Variants in ALKBH1 observed in about 807,000 individuals in gnomAD.
The protein encoded by ALKBH1 is nucleic acid dioxygenase ALKBH1.
ALKBH1 carries 31 observed loss-of-function variants against 36.6 expected under a neutral mutation model. The observed-to-expected ratio is 0.85, with a 90% confidence interval of 0.64 to 1.14. The LOEUF (loss-of-function observed/expected upper bound fraction) is 1.14. Ranked by LOEUF, ALKBH1 falls within the 50% of genes most tolerant of loss-of-function variation. ALKBH1 has a pLI of 0.00. For missense variants in ALKBH1, 490 were observed against 497.3 expected, an observed-to-expected ratio of 0.99 and a Z score of 0.14; for synonymous variants, 183 against 186.6, an observed-to-expected ratio of 0.98 and a Z score of 0.16.
chr14:77,680,504 A>C (rs767790636), intron 3 of ALKBH1, among the ~76,000 whole-genome samples: 8 of 152,074 alleles, frequency 5.3e-5, no homozygotes, highest in Non-Finnish European at 1.0e-4. Flanking sequence ...GACTTCTTTA[A>C]CTCTGTATAA....
At chr14:77,702,897 G>A (rs2080367200) in intron 2 of ALKBH1, among the ~76,000 whole-genome samples, 1 of 152,110 alleles carries the variant, frequency 6.6e-6, no homozygotes, top group South Asian at 2.1e-4. Flanking sequence ...TCTCACGCCT[G>A]TAATCCTAGC....
At chr14:77,679,592 G>A (rs1372382017) in intron 4 of ALKBH1, among the ~76,000 whole-genome samples, 13 of 152,052 alleles carry the variant, frequency 8.5e-5, no homozygotes, top group African/African-American at 9.7e-5. Context: ...CACCAGGCCC[G>A]GCAAACTTTT....
chr14:77,674,295 T>G lies in ALKBH1; in HGVS notation c.741-54A>C, dbSNP rs1057183943. ...AATAAAAAAGTATAAATTTTGTTTATTAACTATGACTGGGAAAGTTACTGC... is the reference window on the plus strand; with the variant it reads ...AATAAAAAAGTATAAATTTTGTTTAGTAACTATGACTGGGAAAGTTACTGC... On this transcript the variant is annotated intron_variant, in intron 5 of 5. Transcript: ENST00000216489. 4 of 1,461,380 alleles carry G rather than the reference T, an allele frequency of 2.7e-6. No homozygotes were observed. In the African/African-American group the frequency reaches 4.3e-5, roughly 16 times the overall value. The allele number at this position is 1,461,380 out of a possible 1,614,324, so 90.5% of individuals were successfully genotyped here. A position where few individuals can be genotyped will look rare whatever the true frequency, so the allele number is the denominator to read the frequency against.
intron 3 of ALKBH1, among the ~76,000 whole-genome samples, chr14:77,687,202 C>G (rs1171735725): frequency 1.3e-5 from 2 of 152,174 alleles, no homozygotes; most frequent in African/African-American, 4.8e-5. Context: ...TCCCCCACAC[C>G]ACTAAACTTC....
chr14:77,692,645 G>T (rs979123674), intron 3 of ALKBH1, among the ~76,000 whole-genome samples: 1 of 151,842 alleles, frequency 6.6e-6, no homozygotes, highest in Non-Finnish European at 1.5e-5. Context: ...TTTACCATCT[G>T]GCCCAAATCC....
Position 77,673,228 on chromosome 14 carries a change from A to G in ALKBH1, c.*584T>C, listed in dbSNP as rs2080185944. ...TACCTATATTTATCTTTTAGGCAAG[A>G]GAGATAGTTGTGATTAATTTCTTTT... On this transcript the variant is annotated 3_prime_UTR_variant, in exon 6 of 6. Transcript: ENST00000216489. 6.6e-6 allele frequency: 1 copy of G among 152,488 alleles called. No individual in the cohort carries two copies. Among genetic ancestry groups the G allele is most frequent in the Non-Finnish European group, 1.5e-5 (1 of 68,284 alleles). The allele number at this position is 152,488 out of a possible 1,614,324, so 9.4% of individuals were successfully genotyped here.
At chr14:77,684,064 G>T (rs939975247) in intron 3 of ALKBH1, 5 of 152,292 alleles carry the variant, frequency 3.3e-5, no homozygotes, top group African/African-American at 9.6e-5. Flanking sequence ...AGCCTTTACA[G>T]AACCTGTCTT....
At chr14:77,690,583 G>A (rs952501399) in intron 3 of ALKBH1, among the ~76,000 whole-genome samples, 7 of 152,190 alleles carry the variant, frequency 4.6e-5, no homozygotes, top group African/African-American at 9.7e-5. Flanking sequence ...AGTTGTGATG[G>A]AGATGGTGAG....
chr14:77,704,735 G>A (rs1454286809), intron 1 of ALKBH1, among the ~76,000 whole-genome samples: 1 of 152,116 alleles, frequency 6.6e-6, no homozygotes, highest in Admixed American at 6.5e-5. Context: ...ACTGTGCCTG[G>A]CCAAAGCAAG....
At chr14:77,688,046 G>T (rs187056337) in intron 3 of ALKBH1, among the ~76,000 whole-genome samples, 1 of 152,144 alleles carries the variant, frequency 6.6e-6, no homozygotes, top group East Asian at 1.9e-4. Context: ...CTACACTAAG[G>T]ATAGTCTCTG....
chr14:77,685,982 G>C (rs370024864), intron 3 of ALKBH1, among the ~76,000 whole-genome samples: 1 of 152,116 alleles, frequency 6.6e-6, no homozygotes, highest in African/African-American at 2.4e-5. Context: ...AAGTGCATTA[G>C]ACCCTCATTT....
chr14:77,693,206 C>CAAA (rs59132199), intron 3 of ALKBH1, among the ~76,000 whole-genome samples: 13 of 126,754 alleles, frequency 1.0e-4, no homozygotes, highest in African/African-American at 2.7e-4. Context: ...AACTCCGTCT[C>CAAA]AAAAAAAAAA....
intron 3 of ALKBH1, among the ~76,000 whole-genome samples, chr14:77,688,934 CCA>C (rs1375913833): frequency 2.0e-5 from 3 of 149,328 alleles, no homozygotes; most frequent in African/African-American, 5.0e-5. Flanking sequence ...TCCTCCACTA[CCA>C]GAGTTATTTT....
chr14:77,694,841 A>G lies in ALKBH1; in HGVS notation c.352T>C (p.Cys118Arg). The G allele has an allele frequency of 1.2e-6, 2 of 1,606,630 alleles. No individual in the cohort carries two copies. Among genetic ancestry groups the G allele is most frequent in the Non-Finnish European group, 1.7e-6 (2 of 1,176,718 alleles). The change falls in exon 3 of 6, where the codon TGC becomes CGC. Residue 118 changes from cysteine to arginine, a missense_variant. Physicochemically the swap from Cys to Arg is radical, Grantham distance 180 (BLOSUM62 -3). Coordinates refer to ENST00000216489, the MANE Select transcript of ALKBH1 (RefSeq NM_006020.3). ...PGYQWHWVKQ[C>R]LKLYSQKPNV... ...GGTTTCTGGGAATATAACTTAAGGC[A>G]CTGTTTCACCCAGTGCCACTGGTAA... is the stretch of plus-strand genomic sequence containing the variant.
At chr14:77,681,940 C>T (rs1270945499) in intron 3 of ALKBH1, among the ~76,000 whole-genome samples, 1 of 152,158 alleles carries the variant, frequency 6.6e-6, no homozygotes, top group East Asian at 1.9e-4. Context: ...CTGGTTTTTC[C>T]TGGACTTTGC....
At chr14:77,706,961 T>C (rs185508073) in intron 1 of ALKBH1, among the ~76,000 whole-genome samples, 6 of 152,362 alleles carry the variant, frequency 3.9e-5, no homozygotes, top group African/African-American at 7.2e-5. Flanking sequence ...AGGGACTGCA[T>C]ATCCTCAACG....
rs1281701106 is a variant in ALKBH1, at chr14:77,694,981, T to C, written c.293-81A>G. On this transcript the variant is annotated intron_variant, in intron 2 of 5. Transcript: ENST00000216489. ...TCAAATAATTTTGACATCTTTATACTCACTATTTTGTTATTTACTCCCCAT... is the reference window on the plus strand; with the variant it reads ...TCAAATAATTTTGACATCTTTATACCCACTATTTTGTTATTTACTCCCCAT... The C allele has an allele frequency of 2.5e-6, 3 of 1,217,648 alleles. No individual in the cohort carries two copies. The African/African-American group carries it at 4.7e-5, about 19-fold the overall frequency. 75.4% of individuals were successfully genotyped at this position (1,217,648 alleles called of 1,614,324 possible). A position where few individuals can be genotyped will look rare whatever the true frequency, so the allele number is the denominator to read the frequency against.
chr14:77,706,567 C>T (rs1450490928), intron 1 of ALKBH1, among the ~76,000 whole-genome samples: 3 of 152,194 alleles, frequency 2.0e-5, no homozygotes, highest in African/African-American at 7.2e-5. Flanking sequence ...AGGAACTAAA[C>T]ACCCAAGCTT....
In ALKBH1 at chr14:77,708,012, C is replaced by T. The variant is rs1204081278; in HGVS notation, c.-8G>A. 5.0e-6 allele frequency: 8 copies of T among 1,609,446 alleles called. No homozygotes were observed. The highest frequency in any genetic ancestry group is 4.0e-5 in the African/African-American group (3 of 74,794). On this transcript the variant is annotated 5_prime_UTR_variant, in exon 1 of 6. Transcript: ENST00000216489. ...CGCTGCCATCTTCCCCATCTCGCGG[C>T]CTATACCCTCTGATCCGGAAGCAGA...
Sources: gnomAD v4.1 joint callset for allele counts (sites outside exome capture counted in the v4.1 genomes callset) on GRCh38, gnomAD v4.1.1 for gene constraint, MANE v1.5 for transcripts, NCBI Gene and HGNC (gene_info 2026-07-23, HGNC 2026-07-21) for gene names.